Variants in B3GALNT2 observed in about 807,000 individuals in gnomAD.
B3GALNT2 encodes the protein beta-1,3-N-acetylgalactosaminyltransferase 2, also known as UDP-GalNAc:beta-1,3-N-acetylgalactosaminyltransferase 2.
In B3GALNT2, 53 loss-of-function variants were observed where a neutral mutation model predicts 61.1. The ratio of observed to expected loss-of-function variants is 0.87; its 90% confidence interval spans 0.70 to 1.09. The LOEUF (loss-of-function observed/expected upper bound fraction) is 1.09. B3GALNT2 is among the 50% of genes least tolerant of loss of function. The pLI is 0.00. For missense variants in B3GALNT2, 544 were observed against 623.0 expected (o/e 0.87, Z 1.35); for synonymous variants, 223 against 237.4 (o/e 0.94, Z 0.56).
Position 235,448,033 on chromosome 1 carries a change from A to G in B3GALNT2, c.*2173T>C, listed in dbSNP as rs993350480. ...AGACCAGCCTGGCCAACATGGTGAA[A>G]CCCCGTCTCTACTAAAAATACAAAA... On this transcript the variant is annotated 3_prime_UTR_variant, in exon 12 of 12. Transcript: ENST00000366600. 6.6e-6 allele frequency among the ~76,000 whole-genome samples: 1 copy of G among 151,886 alleles called. No homozygotes were observed. Among genetic ancestry groups the G allele is most frequent in the Non-Finnish European group, 1.5e-5 (1 of 67,958 alleles).
the B3GALNT2 span, chr1:235,441,856 C>T: frequency 6.2e-7 from 1 of 1,614,016 alleles, no homozygotes; most frequent in Non-Finnish European, 8.5e-7. Context: ...ACACAGCAAC[C>T]ACTTATGCTG....
Position 235,448,240 on chromosome 1 carries a change from A to T in B3GALNT2, c.*1966T>A. The T allele has an allele frequency of 2.5e-6, 2 of 813,602 alleles. No homozygotes were observed. Among genetic ancestry groups the T allele is most frequent in the Non-Finnish European group, 4.0e-6 (2 of 495,408 alleles). 50.4% of individuals were successfully genotyped at this position (813,602 alleles called of 1,614,324 possible). ...AGTCTCAAAAAAAAAAAAAAAAAAA[A>T]GACAGATACAGCTATCATTGCAATG... On this transcript the variant is annotated 3_prime_UTR_variant, in exon 12 of 12. Transcript: ENST00000366600.
chr1:235,450,088 G>T lies in B3GALNT2; in HGVS notation c.*118C>A. On this transcript the variant is annotated 3_prime_UTR_variant, in exon 12 of 12. Transcript: ENST00000366600. ...GCATTGGTTCTGGGTGAAAGTGCCA[G>T]TCTGGAACTCTCTTGAAAGACCATA... 1 of 1,283,766 alleles carries T rather than the reference G, an allele frequency of 7.8e-7. No homozygotes were observed. The highest frequency in any genetic ancestry group is 1.1e-6 in the Non-Finnish European group (1 of 916,608). The allele number at this position is 1,283,766 out of a possible 1,614,324, so 79.5% of individuals were successfully genotyped here.
In B3GALNT2 at chr1:235,477,039, T is replaced by A. The variant is rs1026106063; in HGVS notation, c.651+3015A>T. Among the ~76,000 whole-genome samples, 166 of 147,578 alleles carry A rather than the reference T, an allele frequency of 1.1e-3. 1 individual carries two copies. The highest frequency in any genetic ancestry group is 9.5e-4 in the Non-Finnish European group (63 of 66,608). On this transcript the variant is annotated intron_variant, in intron 5 of 11. Transcript: ENST00000366600. ...GAGCCTGTCTCAAAAAAAAAAAAAA[T>A]AAGTAAATAAAAATTAGGGGAAAAA...
At chr1:235,503,137 C>T (rs1222945901) in intron 1 of B3GALNT2, among the ~76,000 whole-genome samples, 1 of 152,170 alleles carries the variant, frequency 6.6e-6, no homozygotes, top group Non-Finnish European at 1.5e-5. Context: ...GAGTGCTGAA[C>T]TGCAAACACT....
At position 235,480,041 on chromosome 1, in the gene B3GALNT2, T is replaced by C. The variant is rs1684484384; in HGVS notation, c.651+13A>G. 2 of 1,613,570 alleles carry C rather than the reference T, an allele frequency of 1.2e-6. No individual in the cohort carries two copies. Among genetic ancestry groups the C allele is most frequent in the Non-Finnish European group, 1.7e-6 (2 of 1,179,636 alleles). The stretch of plus-strand genomic sequence containing the variant: ...CTGCATTGGTACTACAGTCTTTTCC[T>C]GCCATCCTGTACCTCTGGTAAGATG... On this transcript the variant is annotated intron_variant, in intron 5 of 11. Coordinates refer to ENST00000366600, the MANE Select transcript of B3GALNT2 (RefSeq NM_152490.5).
At chr1:235,502,026 T>C (rs1685602828) in intron 1 of B3GALNT2, among the ~76,000 whole-genome samples, 1 of 152,192 alleles carries the variant, frequency 6.6e-6, no homozygotes, top group African/African-American at 2.4e-5. Context: ...TAATTAATTA[T>C]TTTGAGATGG....
chr1:235,444,359 G>C (rs1237614322), downstream of B3GALNT2, among the ~76,000 whole-genome samples: 2 of 152,162 alleles, frequency 1.3e-5, no homozygotes, highest in African/African-American at 4.8e-5. Flanking sequence ...TAAAGGCCCT[G>C]GTGGAGACAG....
At chr1:235,503,753 A>G (rs1016251242) in intron 1 of B3GALNT2, among the ~76,000 whole-genome samples, 1 of 103,020 alleles carries the variant, frequency 9.7e-6, no homozygotes, top group African/African-American at 4.0e-5. Flanking sequence ...GGGGGGGAAG[A>G]AAACAACTTC....
chr1:235,495,537 T>TAA (rs202001422), intron 1 of B3GALNT2, among the ~76,000 whole-genome samples: 1 of 147,066 alleles, frequency 6.8e-6, no homozygotes. Context: ...ACACTTTTAG[T>TAA]AAAAAAAAAA....
chr1:235,479,818 G>A (rs925436826), intron 5 of B3GALNT2: 14 of 415,642 alleles, frequency 3.4e-5, no homozygotes, highest in Admixed American at 8.3e-5. Flanking sequence ...AATAAACTAC[G>A]GAAACATGCA....
In B3GALNT2 at chr1:235,448,863, G is replaced by T. The variant is rs535686495; in HGVS notation, c.*1343C>A. On this transcript the variant is annotated 3_prime_UTR_variant, in exon 12 of 12. Coordinates refer to ENST00000366600, the MANE Select transcript of B3GALNT2 (RefSeq NM_152490.5). ...ACAATTCTACTGTCAAAACAAAGGG[G>T]GTTTACAACTTGTCCTAAGTATAAC... The T allele has an allele frequency of 6.6e-6, 6 of 905,540 alleles. No homozygotes were observed. In the Admixed American group the frequency reaches 9.6e-5, roughly 14 times the overall value. The allele number at this position is 905,540 out of a possible 1,614,324, so 56.1% of individuals were successfully genotyped here. A position where few individuals can be genotyped will look rare whatever the true frequency, so the allele number is the denominator to read the frequency against.
chr1:235,477,616 G>A (rs1037993784), intron 5 of B3GALNT2, among the ~76,000 whole-genome samples: 1 of 151,706 alleles, frequency 6.6e-6, no homozygotes, highest in Non-Finnish European at 1.5e-5. Context: ...TTATTTGCTG[G>A]GGCGGGGGTG....
rs373300985 is a variant in B3GALNT2, at chr1:235,448,801, G to T, written c.*1405C>A. On this transcript the variant is annotated 3_prime_UTR_variant, in exon 12 of 12. Coordinates refer to ENST00000366600, the MANE Select transcript of B3GALNT2 (RefSeq NM_152490.5). ...AAATTTAAAGACCACACTGCTTATC[G>T]TGTCTGGGGTTCACCGGAAATAAAT... 2.2e-6 allele frequency: 3 copies of T among 1,379,180 alleles called. No homozygotes were observed. The African/African-American group carries it at 4.3e-5, about 20-fold the overall frequency. The allele number at this position is 1,379,180 out of a possible 1,614,324, so 85.4% of individuals were successfully genotyped here. A position where few individuals can be genotyped will look rare whatever the true frequency, so the allele number is the denominator to read the frequency against.
chr1:235,480,400 TA>T (rs918594115), intron 4 of B3GALNT2, among the ~76,000 whole-genome samples: 68 of 146,352 alleles, frequency 4.6e-4, no homozygotes, highest in African/African-American at 1.0e-3. Flanking sequence ...CACATAACCT[TA>T]AAAAAAAAAC....
chr1:235,440,316 C>T, the B3GALNT2 span, among the ~76,000 whole-genome samples: 3 of 151,680 alleles, frequency 2.0e-5, no homozygotes, highest in African/African-American at 4.8e-5. Flanking sequence ...CATATGTCCA[C>T]CAGGTTTCAG....
At chr1:235,463,348 A>G (rs1006682304) in intron 7 of B3GALNT2, 5 of 152,054 alleles carry the variant, frequency 3.3e-5, no homozygotes, top group African/African-American at 1.2e-4. Flanking sequence ...GTAATCAAAC[A>G]CCACCTGCTC....
Position 235,447,333 on chromosome 1 carries a change from C to T in B3GALNT2, c.*2873G>A, listed in dbSNP as rs182881702. Among the ~76,000 whole-genome samples the T allele has an allele frequency of 1.0e-3, 157 of 152,166 alleles. No homozygotes were observed. Among genetic ancestry groups the T allele is most frequent in the African/African-American group, 3.6e-3 (151 of 41,488 alleles). On this transcript the variant is annotated 3_prime_UTR_variant, in exon 12 of 12. Coordinates refer to ENST00000366600, the MANE Select transcript of B3GALNT2 (RefSeq NM_152490.5). ...TACACTGTGATATTTGTAGGAACAC[C>T]ACACTATTGCTGTATCTCCAGCTAA...
At chr1:235,443,195 T>TACAC (rs61396968), downstream of B3GALNT2, among the ~76,000 whole-genome samples, 15 of 149,632 alleles carry the variant, frequency 1.0e-4, no homozygotes, top group South Asian at 1.5e-3. Flanking sequence ...CATATATATA[T>TACAC]ACACACACAC....
Sources: allele counts gnomAD v4.1 joint callset (sites outside exome capture counted in the v4.1 genomes callset), GRCh38; gene constraint gnomAD v4.1.1; transcripts MANE v1.5; gene names NCBI Gene and HGNC (gene_info 2026-07-23, HGNC 2026-07-21).